Variants in FGD6 observed in about 807,000 individuals in gnomAD.
FGD6 encodes FYVE, RhoGEF and PH domain containing 6, also known as FYVE, RhoGEF and PH domain-containing protein 6.
FGD6 carries 90 observed loss-of-function variants against 149.4 expected under a neutral mutation model. The observed-to-expected ratio is 0.60, with a 90% CI of 0.51 to 0.72. The LOEUF is 0.72. Among genes scored for constraint, FGD6 ranks in the 30% least tolerant of loss-of-function variants. The pLI, the probability that FGD6 is intolerant of heterozygous loss-of-function variation, is 0.00. For synonymous variants in FGD6, 527 were observed against 584.0 expected, an observed-to-expected ratio of 0.90 and a Z score of 1.41; for missense variants, 1,437 against 1,684.8, an observed-to-expected ratio of 0.85 and a Z score of 2.57.
At chr12:95,097,949 G>A (rs966713850) in intron 14 of FGD6, among the ~76,000 whole-genome samples, 1 of 152,176 alleles carries the variant, frequency 6.6e-6, no homozygotes. Context: ...CAAAGGTGAT[G>A]ACAAAGTTAG....
intron 3 of FGD6, among the ~76,000 whole-genome samples, chr12:95,158,334 A>AT (rs574831510): frequency 0.046 from 6,440 of 140,992 alleles, 193 homozygotes; most frequent in Middle Eastern, 0.11. Flanking sequence ...TGCACGGCTA[A>AT]TTTTTTTTTT....
At chr12:95,197,832 G>C (rs1009270380) in intron 2 of FGD6, among the ~76,000 whole-genome samples, 5 of 152,264 alleles carry the variant, frequency 3.3e-5, no homozygotes, top group African/African-American at 1.2e-4. Context: ...ACTAGTAAAT[G>C]ACAGGAATCA....
intron 2 of FGD6, among the ~76,000 whole-genome samples, chr12:95,198,672 G>A (rs775992528): frequency 1.3e-5 from 2 of 152,158 alleles, no homozygotes; most frequent in Non-Finnish European, 2.9e-5. Context: ...ATCTGACCTC[G>A]AGATCCACCA....
chr12:95,118,598 G>A (rs532101065), intron 8 of FGD6, among the ~76,000 whole-genome samples: 11 of 152,250 alleles, frequency 7.2e-5, no homozygotes, highest in South Asian at 4.2e-4. Flanking sequence ...TTCCTGGACC[G>A]TGCACTGAGA....
At chr12:95,149,445 TA>T (rs1880225626) in intron 5 of FGD6, among the ~76,000 whole-genome samples, 1 of 130,304 alleles carries the variant, frequency 7.7e-6, no homozygotes, top group Non-Finnish European at 1.6e-5. Context: ...ATATTATATA[TA>T]ATACATAGTA....
intron 3 of FGD6, among the ~76,000 whole-genome samples, chr12:95,161,341 C>T (rs897829603): frequency 1.3e-5 from 2 of 152,056 alleles, no homozygotes; most frequent in African/African-American, 4.8e-5. Flanking sequence ...ACTAAAAATA[C>T]AAAAATTAGC....
chr12:95,195,265 A>ACATAAGAAT (rs1881707929), intron 2 of FGD6, among the ~76,000 whole-genome samples: 1 of 152,176 alleles, frequency 6.6e-6, no homozygotes, highest in South Asian at 2.1e-4. Context: ...CACTATGTTT[A>ACATAAGAAT]CATAAGAATC....
intron 6 of FGD6, among the ~76,000 whole-genome samples, chr12:95,139,587 C>T (rs1441423660): frequency 2.0e-5 from 3 of 151,564 alleles, no homozygotes; most frequent in Admixed American, 6.6e-5. Context: ...CTGCCTGTCT[C>T]GGCCTCCCAA....
At chr12:95,149,285 A>AT (rs1880202310) in intron 5 of FGD6, among the ~76,000 whole-genome samples, 1 of 83,316 alleles carries the variant, frequency 1.2e-5, no homozygotes, top group African/African-American at 4.6e-5. Context: ...TATAGCATAT[A>AT]TAATATTATA....
intron 2 of FGD6, among the ~76,000 whole-genome samples, chr12:95,173,642 G>A (rs1881053606): frequency 6.6e-6 from 1 of 152,106 alleles, no homozygotes; most frequent in South Asian, 2.1e-4. Context: ...TCTAGCATTG[G>A]CTGGAAAGAT....
intron 14 of FGD6, among the ~76,000 whole-genome samples, chr12:95,095,364 G>C (rs1288751467): frequency 6.9e-6 from 1 of 144,684 alleles, no homozygotes; most frequent in Non-Finnish European, 1.5e-5. Flanking sequence ...AACTTGGTCA[G>C]ACAAGGGTAT....
chr12:95,181,245 A>G (rs1232074796), intron 2 of FGD6, among the ~76,000 whole-genome samples: 4 of 152,248 alleles, frequency 2.6e-5, no homozygotes, highest in Non-Finnish European at 5.9e-5. Context: ...ACTACGTCAC[A>G]GTGAACAGCA....
intron 2 of FGD6, among the ~76,000 whole-genome samples, chr12:95,207,176 A>G (rs2056697070): frequency 6.6e-6 from 1 of 152,062 alleles, no homozygotes; most frequent in Non-Finnish European, 1.5e-5. Flanking sequence ...GGGTTCTCAC[A>G]AGATCTGATG....
chr12:95,148,263 T>TTC (rs1191156618), intron 5 of FGD6, among the ~76,000 whole-genome samples: 4 of 131,740 alleles, frequency 3.0e-5, no homozygotes, highest in Non-Finnish European at 6.2e-5. Flanking sequence ...TGAGAAAGTC[T>TTC]TCTATTCCTT....
At chr12:95,171,760 C>A (rs904014702) in intron 3 of FGD6, among the ~76,000 whole-genome samples, 1 of 151,990 alleles carries the variant, frequency 6.6e-6, no homozygotes, top group Non-Finnish European at 1.5e-5. Flanking sequence ...CATGATCCAC[C>A]CCCCTCGGTC....
In FGD6 at chr12:95,142,266, C is replaced by T. The variant is rs910135942; in HGVS notation, c.2686-727G>A. On this transcript the variant is annotated intron_variant, in intron 5 of 20. Transcript: ENST00000343958. Reference sequence around the variant, plus strand: ...AAGCTATTCTCCTGCCTCAGCCTCCCGAGTAGCTGGGATTACAGGTGCCCA... The same window carrying T: ...AAGCTATTCTCCTGCCTCAGCCTCCTGAGTAGCTGGGATTACAGGTGCCCA... 6.6e-5 allele frequency among the ~76,000 whole-genome samples: 10 copies of T among 152,056 alleles called. No homozygotes were observed. The East Asian group carries it at 1.9e-3, about 29-fold the overall frequency.
intron 3 of FGD6, among the ~76,000 whole-genome samples, chr12:95,161,233 C>T (rs539547284): frequency 6.6e-6 from 1 of 151,680 alleles, no homozygotes; most frequent in Admixed American, 6.6e-5. Flanking sequence ...AAGTGGCTCA[C>T]ACCTGTAATC....
chr12:95,082,949 C>T (rs1490028094), intron 20 of FGD6, among the ~76,000 whole-genome samples: 1 of 129,594 alleles, frequency 7.7e-6, no homozygotes, highest in Non-Finnish European at 1.6e-5. Context: ...GAGTTTCAGA[C>T]CAGCCTGGGC....
intron 16 of FGD6, 112 bp downstream of exon 16, chr12:95,092,587 G>A: frequency 9.4e-7 from 1 of 1,068,350 alleles, no homozygotes; most frequent in South Asian, 2.1e-5. Context: ...AATAATAATA[G>A]TTATTGTTAT....
Sources: gnomAD v4.1 joint callset for allele counts (sites outside exome capture counted in the v4.1 genomes callset) on GRCh38, gnomAD v4.1.1 for gene constraint, MANE v1.5 for transcripts, NCBI Gene and HGNC (gene_info 2026-07-23, HGNC 2026-07-21) for gene names.